The following MMP26 variants were observed in gnomAD, a reference collection of about 807,000 sequenced individuals.
MMP26 encodes the protein matrix metallopeptidase 26.
In MMP26, 33 loss-of-function variants were observed where a neutral mutation model predicts 31.0. The observed-to-expected ratio is 1.06, with a 90% confidence interval of 0.81 to 1.42. The LOEUF (loss-of-function observed/expected upper bound fraction) is 1.42, where lower values mean the gene tolerates loss of function less well. Among genes scored for constraint, MMP26 ranks in the 40% most tolerant of loss-of-function variants. The pLI, the probability that MMP26 is intolerant of heterozygous loss-of-function variation, is 0.00. For synonymous variants in MMP26, 122 were observed against 114.9 expected, an observed-to-expected ratio of 1.06 and a Z score of -0.40; for missense variants, 347 against 316.1, an observed-to-expected ratio of 1.10 and a Z score of -0.74.
intron 2 of MMP26, among the ~76,000 whole-genome samples, chr11:4,906,604 C>T (rs570833743): frequency 1.1e-4 from 16 of 152,172 alleles, no homozygotes; most frequent in Admixed American, 3.3e-4. Context: ...TCCAAATATT[C>T]GCAGTGATCT....
At chr11:4,748,726 A>G (rs1020869667) in intron 1 of MMP26, among the ~76,000 whole-genome samples, 20 of 152,016 alleles carry the variant, frequency 1.3e-4, no homozygotes, top group African/African-American at 4.8e-4. Context: ...AGAATAAGCA[A>G]TTGATAAAAT....
intron 2 of MMP26, among the ~76,000 whole-genome samples, chr11:4,934,821 A>T (rs1229506149): frequency 6.6e-6 from 1 of 150,852 alleles, no homozygotes; most frequent in Non-Finnish European, 1.5e-5. Context: ...AGCACCATTT[A>T]TTAAATAGGG....
At chr11:4,960,364 C>G (rs1846504284) in intron 2 of MMP26, among the ~76,000 whole-genome samples, 1 of 150,844 alleles carries the variant, frequency 6.6e-6, no homozygotes, top group Non-Finnish European at 1.5e-5. Flanking sequence ...ATTATTCTGT[C>G]TTAAGAAAGG....
intron 2 of MMP26, chr11:4,907,923 T>C: frequency 1.2e-6 from 2 of 1,614,146 alleles, no homozygotes; most frequent in Non-Finnish European, 1.7e-6. Context: ...CAGGATACCA[T>C]GAAGCTGGCC....
At chr11:4,941,784 C>CT (rs11424778) in intron 2 of MMP26, among the ~76,000 whole-genome samples, 122,652 of 150,620 alleles carry the variant, frequency 0.81, 50,108 homozygotes, top group East Asian at 0.9. Context: ...GCTGCAGGTT[C>CT]TTTTTTTTAA....
chr11:4,992,159 G>A, intron 7 of MMP26, 34 bp downstream of exon 7: 2 of 1,607,112 alleles, frequency 1.2e-6, no homozygotes, highest in African/African-American at 2.7e-5. Flanking sequence ...AGGGAGATCT[G>A]GGCAGGAAAA....
rs148401759 is a variant in MMP26, at chr11:4,821,867, G to A, written c.-145+54526G>A. 5 of 1,613,940 alleles carry A rather than the reference G, an allele frequency of 3.1e-6. No homozygotes were observed. The highest frequency in any genetic ancestry group is 4.2e-6 in the Non-Finnish European group (5 of 1,179,960). On this transcript the variant is annotated intron_variant, in intron 2 of 7. Transcript: ENST00000380390. The stretch of plus-strand genomic sequence containing the variant: ...GCCCGAATTGCCAAGATTGGGATGA[G>A]CATGTTGATAAGAAATGTTGCCGTC...
chr11:4,727,658 AAATCAGT>A (rs1269448268), intron 1 of MMP26, among the ~76,000 whole-genome samples: 4 of 152,130 alleles, frequency 2.6e-5, no homozygotes, highest in African/African-American at 7.2e-5. Context: ...AAAAATACAA[AAATCAGT>A]CAGGCATGGT....
At chr11:4,872,649 A>G (rs1850326678) in intron 2 of MMP26, among the ~76,000 whole-genome samples, 1 of 152,076 alleles carries the variant, frequency 6.6e-6, no homozygotes, top group South Asian at 2.1e-4. Context: ...TTAAGAGTAT[A>G]GTATGCTCAT....
intron 1 of MMP26, among the ~76,000 whole-genome samples, chr11:4,749,562 A>G (rs1219800379): frequency 6.6e-6 from 1 of 152,154 alleles, no homozygotes; most frequent in East Asian, 1.9e-4. Flanking sequence ...AGAGCATAGT[A>G]CTGGTATAAA....
At chr11:4,793,036 A>C (rs761520076) in intron 2 of MMP26, among the ~76,000 whole-genome samples, 1 of 152,218 alleles carries the variant, frequency 6.6e-6, no homozygotes, top group South Asian at 2.1e-4. Flanking sequence ...TAAGTGACCT[A>C]TCTTACTGAT....
chr11:4,933,527 G>GT lies in MMP26; in HGVS notation c.-144-54530dup, dbSNP rs71050439. 3.8e-3 allele frequency among the ~76,000 whole-genome samples: 553 copies of GT among 146,392 alleles called. 1 individual carries two copies. Among genetic ancestry groups the GT allele is most frequent in the African/African-American group, 0.013 (507 of 39,486 alleles). The stretch of plus-strand genomic sequence containing the variant: ...TAACCATTACCCTGTTATTTTTTTT[G>GT]TTTTTTTTTTTGTTTGTTTTTGTTT... On this transcript the variant is annotated intron_variant, in intron 2 of 7. Transcript: ENST00000380390.
chr11:4,987,966 T>G (rs567536672), intron 2 of MMP26, 102 bp from the exon 3 acceptor site: 1 of 534,628 alleles, frequency 1.9e-6, no homozygotes, highest in South Asian at 2.2e-5. Context: ...ACCAGGCCTG[T>G]GGCCCGGGAT....
intron 2 of MMP26, among the ~76,000 whole-genome samples, chr11:4,847,059 T>A (rs1849880963): frequency 6.6e-6 from 1 of 152,164 alleles, no homozygotes; most frequent in African/African-American, 2.4e-5. Context: ...GAAACCAGAT[T>A]CAAGGGGAAT....
At chr11:4,908,453 G>A (rs1850940754) in intron 2 of MMP26, 3 of 725,998 alleles carry the variant, frequency 4.1e-6, no homozygotes, top group Non-Finnish European at 7.2e-6. Context: ...ATAAAGTTGA[G>A]AATATAACTG....
intron 2 of MMP26, among the ~76,000 whole-genome samples, chr11:4,963,238 C>CAAATGGA (rs1257563345): frequency 2.9e-4 from 44 of 152,174 alleles, no homozygotes; most frequent in Admixed American, 6.5e-4. Flanking sequence ...TAAGAGAGGA[C>CAAATGGA]ACAAACAAAT....
intron 2 of MMP26, among the ~76,000 whole-genome samples, chr11:4,873,140 T>A (rs2133528482): frequency 6.6e-6 from 1 of 152,212 alleles, no homozygotes; most frequent in South Asian, 2.1e-4. Flanking sequence ...ATGATCAACT[T>A]TTCCTTGGTT....
intron 2 of MMP26, among the ~76,000 whole-genome samples, chr11:4,817,159 T>C (rs1469353191): frequency 6.6e-6 from 1 of 152,174 alleles, no homozygotes; most frequent in African/African-American, 2.4e-5. Flanking sequence ...TAAGATTGTA[T>C]GTACATTTTT....
intron 2 of MMP26, among the ~76,000 whole-genome samples, chr11:4,869,439 T>C (rs1299893736): frequency 6.6e-6 from 1 of 152,152 alleles, no homozygotes; most frequent in Non-Finnish European, 1.5e-5. Context: ...AAAGAAGATG[T>C]TTATGCAGCC....
Sources: gnomAD v4.1 joint callset for allele counts (sites outside exome capture counted in the v4.1 genomes callset) on GRCh38, gnomAD v4.1.1 for gene constraint, MANE v1.5 for transcripts, NCBI Gene and HGNC (gene_info 2026-07-23, HGNC 2026-07-21) for gene names.